LIPA: variants seen among roughly 807,000 people sequenced by gnomAD.
LIPA encodes lysosomal acid lipase/cholesteryl ester hydrolase.
In LIPA, 26 loss-of-function variants were observed where a neutral mutation model predicts 40.6. The observed-to-expected ratio is 0.64, with a 90% CI of 0.47 to 0.89. The LOEUF (loss-of-function observed/expected upper bound fraction) is 0.89. Ranked by LOEUF, LIPA falls within the 40% of genes least tolerant of loss-of-function variation. The pLI, the probability that LIPA is intolerant of heterozygous loss-of-function variation, is 0.00. For missense variants in LIPA, 455 were observed against 479.6 expected (o/e 0.95, Z 0.48); for synonymous variants, 188 against 168.4 (o/e 1.12, Z -0.90).
At chr10:89,278,828 TA>T (rs1252643504) in intron 1 of LIPA, among the ~76,000 whole-genome samples, 1 of 151,242 alleles carries the variant, frequency 6.6e-6, no homozygotes, top group Non-Finnish European at 1.5e-5. Flanking sequence ...GTTTATATTT[TA>T]AAATATGTAA....
At chr10:89,338,435 A>G (rs894066881) in intron 1 of LIPA, 4 of 518,042 alleles carry the variant, frequency 7.7e-6, no homozygotes, top group Admixed American at 3.3e-5. Context: ...CCTCAACAGA[A>G]TGGATAATGC....
Position 89,307,556 on chromosome 10 carries a change from G to A in LIPA, c.-2+35055C>T, listed in dbSNP as rs78998800. 7.6e-3 allele frequency: 4,097 copies of A among 539,670 alleles called. 148 individuals carry two copies. The highest frequency in any genetic ancestry group is 0.068 in the African/African-American group (3,619 of 53,318). The allele number at this position is 539,670 out of a possible 1,614,324, so 33.4% of individuals were successfully genotyped here. On this transcript the variant is annotated intron_variant, in intron 1 of 5. Coordinates refer to the LIPA transcript ENST00000282673. Reference sequence around the variant, plus strand: ...GCTGGGTCTTGAGAGAGCCCAAGGAGTTCTGGGAGAGGGACCAGATTGGGG... The same window carrying A: ...GCTGGGTCTTGAGAGAGCCCAAGGAATTCTGGGAGAGGGACCAGATTGGGG...
chr10:89,412,662 T>G, intron 2 of LIPA: 1 of 380,064 alleles, frequency 2.6e-6, no homozygotes, highest in Non-Finnish European at 5.1e-6. Context: ...GCTTTACTCC[T>G]GAAGTCAGTG....
At chr10:89,255,377 G>C (rs1843175835), upstream of LIPA, among the ~76,000 whole-genome samples, 1 of 152,174 alleles carries the variant, frequency 6.6e-6, no homozygotes, top group African/African-American at 2.4e-5. Context: ...ATGAGACCTA[G>C]TCACTACCAC....
At chr10:89,286,258 A>C (rs1843340483) in intron 1 of LIPA, among the ~76,000 whole-genome samples, 1 of 151,894 alleles carries the variant, frequency 6.6e-6, no homozygotes, top group Non-Finnish European at 1.5e-5. Context: ...CTGTCCCCTC[A>C]GTTCCAACCC....
intron 1 of LIPA, among the ~76,000 whole-genome samples, chr10:89,250,873 G>A (rs1014174877): frequency 6.6e-6 from 1 of 152,246 alleles, no homozygotes; most frequent in African/African-American, 2.4e-5. Context: ...AACCTTCCAG[G>A]CTGAATTAAG....
At chr10:89,362,938 T>G in intron 2 of LIPA, 1 of 270,058 alleles carries the variant, frequency 3.7e-6, no homozygotes, top group South Asian at 8.7e-5. Context: ...GCTGTCAGTC[T>G]AAATCCAAAA....
At chr10:89,324,434 A>T (rs1466122705) in intron 1 of LIPA, among the ~76,000 whole-genome samples, 2 of 152,196 alleles carry the variant, frequency 1.3e-5, no homozygotes, top group Non-Finnish European at 1.5e-5. Context: ...ATAACCTAGG[A>T]AATACGATTC....
At chr10:89,414,350 C>G (rs1841507178) in intron 1 of LIPA, 1 of 130,938 alleles carries the variant, frequency 7.6e-6, no homozygotes, top group Non-Finnish European at 1.5e-5. Context: ...GACGCTATCT[C>G]AAACAAACAA....
intron 8 of LIPA, among the ~76,000 whole-genome samples, chr10:89,218,830 T>G (rs1025424967): frequency 5.9e-5 from 9 of 152,166 alleles, no homozygotes; most frequent in African/African-American, 1.9e-4. Flanking sequence ...GAGAAAGAAA[T>G]AAACTCTTTA....
intron 4 of LIPA, among the ~76,000 whole-genome samples, chr10:89,227,963 C>T (rs548089244): frequency 3.0e-4 from 45 of 152,216 alleles, no homozygotes; most frequent in South Asian, 1.2e-3. Flanking sequence ...CCAGAAATGC[C>T]GAAGTAACTT....
chr10:89,247,462 A>G (rs1843041752), intron 2 of LIPA, 76 bp downstream of exon 2: 9 of 763,122 alleles, frequency 1.2e-5, no homozygotes, highest in African/African-American at 1.7e-5. Flanking sequence ...ATGTATGGGT[A>G]TGGCTTCATG....
chr10:89,306,924 T>C (rs1244258939), intron 1 of LIPA: 7 of 1,613,874 alleles, frequency 4.3e-6, no homozygotes, highest in Non-Finnish European at 5.9e-6. Context: ...GTGGCTCATC[T>C]GAAGAAAGCT....
At chr10:89,240,162 C>T (rs1454670160) in intron 3 of LIPA, among the ~76,000 whole-genome samples, 2 of 152,214 alleles carry the variant, frequency 1.3e-5, no homozygotes, top group Non-Finnish European at 2.9e-5. Context: ...ACATTTCTTA[C>T]TTTTCTTACT....
intron 2 of LIPA, among the ~76,000 whole-genome samples, chr10:89,357,386 A>G (rs1385190254): frequency 6.6e-6 from 1 of 152,112 alleles, no homozygotes; most frequent in African/African-American, 2.4e-5. Context: ...TATGAGGTCA[A>G]CCTCTTGGTG....
intron 2 of LIPA, chr10:89,392,857 G>A: frequency 1.2e-6 from 1 of 853,702 alleles, no homozygotes. Flanking sequence ...TGGACTGAAT[G>A]TGTGCATGCA....
chr10:89,412,648 T>TC (rs1841482359), intron 2 of LIPA: 1 of 346,632 alleles, frequency 2.9e-6, no homozygotes, highest in African/African-American at 2.2e-5. Context: ...CACAAAGGTC[T>TC]ACGGCTTTAC....
chr10:89,217,140 TGAAATGGTAA>T (rs1339865672), intron 8 of LIPA, among the ~76,000 whole-genome samples: 1 of 152,246 alleles, frequency 6.6e-6, no homozygotes, highest in African/African-American at 2.4e-5. Flanking sequence ...CAAATGAATT[TGAAATGGTAA>T]GTTTTGGCCA....
At position 89,228,413 on chromosome 10, in the gene LIPA, T is replaced by C. The variant is rs199978109; in HGVS notation, c.230-15A>G. On this transcript the variant is annotated splice_polypyrimidine_tract_variant and intron_variant, in intron 3 of 9. Transcript: ENST00000336233. ...TGGTTTGGGACCTGAAAAACATTCATTGTTTAGGAGGCAGTAGCACCAAGC... is the reference window on the plus strand; with the variant it reads ...TGGTTTGGGACCTGAAAAACATTCACTGTTTAGGAGGCAGTAGCACCAAGC... 5.6e-6 allele frequency: 9 copies of C among 1,611,658 alleles called. No homozygotes were observed. Among genetic ancestry groups the C allele is most frequent in the Non-Finnish European group, 7.6e-6 (9 of 1,177,672 alleles).
Sources: allele counts gnomAD v4.1 joint callset (sites outside exome capture counted in the v4.1 genomes callset), GRCh38; gene constraint gnomAD v4.1.1; transcripts MANE v1.5; gene names NCBI Gene and HGNC (gene_info 2026-07-23, HGNC 2026-07-21).